Variants in LTBP1 observed in about 807,000 individuals in gnomAD.
LTBP1 encodes the protein latent transforming growth factor beta binding protein 1.
A neutral mutation model predicts 207.6 loss-of-function variants in LTBP1; 129 were observed. The ratio of observed to expected loss-of-function variants is 0.62; its 90% confidence interval spans 0.54 to 0.72. LTBP1 has a LOEUF of 0.72. LTBP1 is among the 30% of genes least tolerant of loss of function. The pLI is 0.00. For synonymous variants in LTBP1, 963 were observed against 833.7 expected (o/e 1.16, Z -2.67); for missense variants, 2,281 against 2,217.2 (o/e 1.03, Z -0.58).
intron 24 of LTBP1, among the ~76,000 whole-genome samples, chr2:33,323,855 A>G (rs555857820): frequency 1.3e-5 from 2 of 152,272 alleles, no homozygotes; most frequent in African/African-American, 2.4e-5. Context: ...TTAATTCTCT[A>G]ATGCACACCC....
chr2:33,199,928 G>A (rs896662801), intron 7 of LTBP1, among the ~76,000 whole-genome samples: 1 of 152,064 alleles, frequency 6.6e-6, no homozygotes, highest in African/African-American at 2.4e-5. Flanking sequence ...AGGATGTGAA[G>A]GACCTCTTCA....
chr2:33,063,295 A>G (rs191209547), intron 3 of LTBP1, among the ~76,000 whole-genome samples: 3 of 152,208 alleles, frequency 2.0e-5, no homozygotes, highest in Admixed American at 2.0e-4. Flanking sequence ...AACTATTTTC[A>G]TAATAATACT....
intron 32 of LTBP1, among the ~76,000 whole-genome samples, chr2:33,394,106 G>A (rs938985839): frequency 6.6e-6 from 1 of 152,090 alleles, no homozygotes; most frequent in African/African-American, 2.4e-5. Context: ...AGAAGTGTCT[G>A]TTCATATCCT....
Position 33,193,047 on chromosome 2 carries a change from A to C in LTBP1, c.1701+4196A>C, listed in dbSNP as rs183592179. ...CATGAACTTTGGGGGACACATTCAA[A>C]CCATAGGAAATGTCATTAGATGATA... On this transcript the variant is annotated intron_variant, in intron 7 of 33. Coordinates refer to ENST00000404816, the MANE Select transcript of LTBP1 (RefSeq NM_206943.4). Among the ~76,000 whole-genome samples the C allele has an allele frequency of 1.6e-3, 247 of 152,292 alleles. 1 individual carries two copies. The highest frequency in any genetic ancestry group is 5.6e-3 in the African/African-American group (233 of 41,566).
intron 2 of LTBP1, among the ~76,000 whole-genome samples, chr2:32,963,868 C>T (rs1244487704): frequency 6.6e-6 from 1 of 152,082 alleles, no homozygotes; most frequent in Non-Finnish European, 1.5e-5. Context: ...CTTGAGGGCC[C>T]TGAGTTTAAA....
At chr2:33,059,257 C>T (rs188896983) in intron 3 of LTBP1, among the ~76,000 whole-genome samples, 1 of 152,250 alleles carries the variant, frequency 6.6e-6, no homozygotes, top group East Asian at 1.9e-4. Context: ...GTTTGTTGAA[C>T]ACATTAGTGC....
intron 24 of LTBP1, among the ~76,000 whole-genome samples, chr2:33,328,600 A>T (rs1290146333): frequency 6.6e-6 from 1 of 152,198 alleles, no homozygotes; most frequent in Non-Finnish European, 1.5e-5. Context: ...ATCAGGTCTC[A>T]TGAGACTTAC....
At chr2:33,060,068 G>C (rs555572801) in intron 3 of LTBP1, among the ~76,000 whole-genome samples, 1 of 152,268 alleles carries the variant, frequency 6.6e-6, no homozygotes, top group South Asian at 2.1e-4. Context: ...TTGTCTCTTG[G>C]AGGCTGACCT....
intron 3 of LTBP1, among the ~76,000 whole-genome samples, chr2:33,077,956 G>A (rs1381259440): frequency 2.0e-5 from 3 of 152,228 alleles, no homozygotes; most frequent in Admixed American, 6.5e-5. Flanking sequence ...AGGAGGGGAA[G>A]TGGTGAAGCG....
rs114089153 is a variant in LTBP1, at chr2:33,155,600, C to T, written c.1201+20640C>T. Among the ~76,000 whole-genome samples the T allele has an allele frequency of 1.4e-3, 208 of 152,074 alleles. 1 individual carries two copies. Among genetic ancestry groups the T allele is most frequent in the African/African-American group, 4.8e-3 (200 of 41,492 alleles). ...TTTACCTATTAGATTCAAGTAGCAA[C>T]CCCCCATCTCACCACCACCAAGAAG... On this transcript the variant is annotated intron_variant, in intron 5 of 33. Coordinates refer to ENST00000404816, the MANE Select transcript of LTBP1 (RefSeq NM_206943.4).
intron 31 of LTBP1, among the ~76,000 whole-genome samples, chr2:33,388,469 C>T (rs188568133): frequency 1.3e-3 from 191 of 152,284 alleles, no homozygotes; most frequent in African/African-American, 4.5e-3. Flanking sequence ...GCTTTTGTTT[C>T]CTCACTGGTA....
intron 7 of LTBP1, among the ~76,000 whole-genome samples, chr2:33,194,311 A>G (rs758049926): frequency 2.6e-5 from 4 of 152,160 alleles, no homozygotes; most frequent in Non-Finnish European, 5.9e-5. Context: ...ATCAAAAGCT[A>G]AAAATGATTA....
intron 3 of LTBP1, among the ~76,000 whole-genome samples, chr2:33,065,871 C>T (rs907145135): frequency 3.9e-5 from 6 of 152,120 alleles, no homozygotes; most frequent in African/African-American, 1.4e-4. Context: ...ATTCACTTCG[C>T]TAGATATAGG....
chr2:33,238,230 A>G (rs936669546), intron 9 of LTBP1, among the ~76,000 whole-genome samples: 8 of 152,128 alleles, frequency 5.3e-5, no homozygotes, highest in Non-Finnish European at 1.0e-4. Context: ...AAAGCTTCAT[A>G]TTTTCACACA....
intron 32 of LTBP1, among the ~76,000 whole-genome samples, chr2:33,395,905 A>ATTTTTTTTTTTTTT (rs376980446): frequency 6.9e-6 from 1 of 144,388 alleles, no homozygotes; most frequent in Non-Finnish European, 1.5e-5. Context: ...TTCTAGCCAT[A>ATTTTTTTTTTTTTT]TATTTTTTTT....
At chr2:33,397,067 TATC>T in intron 32 of LTBP1, 63 bp from the exon 33 acceptor site, 2 of 1,464,162 alleles carry the variant, frequency 1.4e-6, no homozygotes, top group Non-Finnish European at 1.9e-6. Flanking sequence ...ATCATCTAAA[TATC>T]ATTTACAAAA....
intron 19 of LTBP1, among the ~76,000 whole-genome samples, chr2:33,289,414 C>G (rs1361808682): frequency 6.6e-6 from 1 of 152,060 alleles, no homozygotes; most frequent in Non-Finnish European, 1.5e-5. Context: ...GGCTGGAGTA[C>G]AACAGCATGA....
intron 9 of LTBP1, among the ~76,000 whole-genome samples, chr2:33,232,749 G>A (rs774502470): frequency 2.6e-5 from 4 of 152,062 alleles, no homozygotes; most frequent in African/African-American, 7.2e-5. Context: ...TGGTTAATCT[G>A]TATTTTGAGG....
chr2:33,179,434 T>G (rs996320862), intron 5 of LTBP1, among the ~76,000 whole-genome samples: 2 of 151,178 alleles, frequency 1.3e-5, no homozygotes, highest in Non-Finnish European at 2.9e-5. Flanking sequence ...ACATCTGATG[T>G]CAAATAAATG....
Sources: allele counts gnomAD v4.1 joint callset (sites outside exome capture counted in the v4.1 genomes callset), GRCh38; gene constraint gnomAD v4.1.1; transcripts MANE v1.5; gene names NCBI Gene and HGNC (gene_info 2026-07-23, HGNC 2026-07-21).